Variants in NBEAL1 observed in about 807,000 individuals in gnomAD.
NBEAL1 encodes the protein neurobeachin-like protein 1.
In NBEAL1, 273 loss-of-function variants were observed where a neutral mutation model predicts 351.3. The observed-to-expected ratio is 0.78, with a 90% CI of 0.70 to 0.86. The LOEUF (loss-of-function observed/expected upper bound fraction) is 0.86, where lower values mean the gene tolerates loss of function less well. Among genes scored for constraint, NBEAL1 ranks in the 40% least tolerant of loss-of-function variants. The probability of loss-of-function intolerance (pLI) is 0.00; values close to 1 mark genes in which losing one functional copy is unlikely to be tolerated. For synonymous variants in NBEAL1, 1,050 were observed against 1,086.4 expected, an observed-to-expected ratio of 0.97 and a Z score of 0.66; for missense variants, 2,961 against 3,201.3, an observed-to-expected ratio of 0.92 and a Z score of 1.81.
intron 8 of NBEAL1, among the ~76,000 whole-genome samples, chr2:203,081,598 A>G (rs2061874309): frequency 6.6e-6 from 1 of 152,240 alleles, no homozygotes; most frequent in African/African-American, 2.4e-5. Flanking sequence ...CTAATTAAAA[A>G]CAAAGTAATA....
intron 42 of NBEAL1, among the ~76,000 whole-genome samples, chr2:203,177,150 C>CAAA: frequency 1.7e-5 from 1 of 60,380 alleles, no homozygotes. Context: ...AGCTCTATCT[C>CAAA]AAAAAAAAAA....
intron 47 of NBEAL1, among the ~76,000 whole-genome samples, chr2:203,196,394 G>A (rs2065241969): frequency 6.6e-6 from 1 of 152,174 alleles, no homozygotes; most frequent in Non-Finnish European, 1.5e-5. Context: ...ATTTCCCCAT[G>A]TATTAATATG....
intron 3 of NBEAL1, among the ~76,000 whole-genome samples, chr2:203,047,439 AT>A (rs1186854352): frequency 6.6e-6 from 1 of 152,086 alleles, no homozygotes; most frequent in Non-Finnish European, 1.5e-5. Context: ...GATAACTTCC[AT>A]TTTTTAGATG....
intron 55 of NBEAL1, among the ~76,000 whole-genome samples, chr2:203,215,276 G>A (rs181235735): frequency 3.7e-4 from 56 of 152,220 alleles, no homozygotes; most frequent in African/African-American, 1.2e-3. Context: ...CGAGGTGGGC[G>A]GATCACGAGG....
At chr2:203,058,122 G>T (rs181569098) in intron 6 of NBEAL1, among the ~76,000 whole-genome samples, 6 of 152,178 alleles carry the variant, frequency 3.9e-5, no homozygotes, top group Non-Finnish European at 4.4e-5. Flanking sequence ...GAGCCACCGT[G>T]CCCGGCCTTT....
At position 203,222,007 on chromosome 2, in the gene NBEAL1, A is replaced by G. The variant is rs1231211359; in HGVS notation, c.*4653A>G. On this transcript the variant is annotated 3_prime_UTR_variant, in exon 56 of 56. Coordinates refer to ENST00000683969, the MANE Select transcript of NBEAL1 (RefSeq NM_001378026.1). ...AGCTCAAGACCAGCCTGGGCAGCAT[A>G]GTGGGCTCCACCTCTACAAGACATT... 2.0e-5 allele frequency among the ~76,000 whole-genome samples: 3 copies of G among 152,100 alleles called. No individual in the cohort carries two copies. The highest frequency in any genetic ancestry group is 1.9e-4 in the East Asian group (1 of 5,184).
intron 34 of NBEAL1, among the ~76,000 whole-genome samples, chr2:203,150,597 T>G (rs1051356126): frequency 6.6e-6 from 1 of 152,106 alleles, no homozygotes; most frequent in Admixed American, 6.6e-5. Flanking sequence ...TTTATTTTTC[T>G]GTTTTTTTGG....
intron 42 of NBEAL1, among the ~76,000 whole-genome samples, chr2:203,177,050 C>A (rs1475375514): frequency 6.7e-6 from 1 of 149,486 alleles, no homozygotes; most frequent in Non-Finnish European, 1.5e-5. Context: ...ACTTGGGAGG[C>A]TGAGGTGGGA....
At position 203,174,216 on chromosome 2, in the gene NBEAL1, C is replaced by CAAAAAA. The variant is rs10652390; in HGVS notation, c.6324-909_6324-904dup. Among the ~76,000 whole-genome samples, 18 of 24,612 alleles carry CAAAAAA rather than the reference C, an allele frequency of 7.3e-4. 1 individual carries two copies. The highest frequency in any genetic ancestry group is 1.8e-3 in the African/African-American group (17 of 9,412). The allele number at this position is 24,612 out of a possible 152,430, so 16.1% of individuals were successfully genotyped here. ...TAATTATCACAGTGCTTTATACTAG[C>CAAAAAA]AAAAAAAAAAAAAAAAAAAAAAAAA... On this transcript the variant is annotated intron_variant, in intron 41 of 55. Transcript: ENST00000683969.
At chr2:203,204,316 GT>G (rs1310935195) in intron 51 of NBEAL1, among the ~76,000 whole-genome samples, 35 of 144,850 alleles carry the variant, frequency 2.4e-4, no homozygotes, top group African/African-American at 8.6e-4. Flanking sequence ...TGGTTTGGGG[GT>G]TTTTTGGTTT....
chr2:203,115,920 A>G, intron 17 of NBEAL1, 65 bp from the exon 18 acceptor site: 2 of 1,071,652 alleles, frequency 1.9e-6, no homozygotes, highest in Admixed American at 2.2e-5. Context: ...TTTTATTCTG[A>G]TAACACAGAA....
intron 34 of NBEAL1, among the ~76,000 whole-genome samples, chr2:203,149,473 T>G (rs1290447556): frequency 6.6e-6 from 1 of 152,168 alleles, no homozygotes; most frequent in Non-Finnish European, 1.5e-5. Context: ...GTTGTATGTT[T>G]GAATATTTTA....
intron 7 of NBEAL1, chr2:203,075,264 T>C (rs2061751791): frequency 6.6e-6 from 1 of 152,244 alleles, no homozygotes; most frequent in Non-Finnish European, 1.5e-5. Flanking sequence ...TGTATTTTCT[T>C]ATTTAAATTT....
intron 35 of NBEAL1, among the ~76,000 whole-genome samples, chr2:203,154,481 T>A (rs929572221): frequency 4.6e-5 from 7 of 152,314 alleles, no homozygotes; most frequent in African/African-American, 1.7e-4. Context: ...TTTCTTTTTT[T>A]AAAATATTAT....
rs1553497279 is a variant in NBEAL1, at chr2:203,171,919, G to T, written c.6103-9G>T. On this transcript the variant is annotated splice_polypyrimidine_tract_variant and intron_variant, in intron 39 of 55. Transcript: ENST00000683969. ...AAATTTTGATATTGCTCTTTTTTGT[G>T]CTGTCTAGAAATGGGTAAACAGAGA... is the stretch of plus-strand genomic sequence containing the variant. 6.6e-7 allele frequency: 1 copy of T among 1,513,894 alleles called. No homozygotes were observed. Among genetic ancestry groups the T allele is most frequent in the Admixed American group, 2.1e-5 (1 of 48,296 alleles). 93.8% of individuals were successfully genotyped at this position (1,513,894 alleles called of 1,614,324 possible).
At chr2:203,138,843 A>G (rs1372277825) in intron 31 of NBEAL1, 95 bp downstream of exon 31, 8 of 1,256,098 alleles carry the variant, frequency 6.4e-6, no homozygotes, top group Admixed American at 2.7e-5. Context: ...TGGTATTTTA[A>G]GTTTTTCATT....
At position 203,224,337 on chromosome 2, in the gene NBEAL1, G is replaced by A. The variant is rs945626326; in HGVS notation, c.*6983G>A. Among the ~76,000 whole-genome samples, 1 of 151,964 alleles carries A rather than the reference G, an allele frequency of 6.6e-6. No homozygotes were observed. Among genetic ancestry groups the A allele is most frequent in the Admixed American group, 6.6e-5 (1 of 15,262 alleles). On this transcript the variant is annotated 3_prime_UTR_variant, in exon 56 of 56. Transcript: ENST00000683969. The stretch of plus-strand genomic sequence containing the variant: ...CCATTTAGAAACTCTTAACAGGTAT[G>A]GCTTTCATTCCTCCAGTTGTTTGCT...
chr2:203,162,448 T>C (rs138280255), intron 36 of NBEAL1, among the ~76,000 whole-genome samples: 1 of 152,266 alleles, frequency 6.6e-6, no homozygotes, highest in East Asian at 1.9e-4. Context: ...AAGCTCATTT[T>C]AATATTACAA....
intron 33 of NBEAL1, among the ~76,000 whole-genome samples, chr2:203,147,196 G>A (rs1018144965): frequency 1.3e-5 from 2 of 152,000 alleles, no homozygotes; most frequent in Non-Finnish European, 2.9e-5. Flanking sequence ...ATATAAAAAA[G>A]CATTCACATT....
Sources: gnomAD v4.1 joint callset for allele counts (sites outside exome capture counted in the v4.1 genomes callset) on GRCh38, gnomAD v4.1.1 for gene constraint, MANE v1.5 for transcripts, NCBI Gene and HGNC (gene_info 2026-07-23, HGNC 2026-07-21) for gene names.